Variants in SYT1 observed in about 807,000 individuals in gnomAD.
SYT1 encodes synaptotagmin-1.
In SYT1, 8 loss-of-function variants were observed where a neutral mutation model predicts 44.8. The ratio of observed to expected loss-of-function variants is 0.18; its 90% confidence interval spans 0.10 to 0.32. The LOEUF (loss-of-function observed/expected upper bound fraction) is 0.32, where lower values mean the gene tolerates loss of function less well. Ranked by LOEUF, SYT1 falls within the 10% of genes least tolerant of loss-of-function variation. The probability of loss-of-function intolerance (pLI) is 1.00; values close to 1 mark genes in which losing one functional copy is unlikely to be tolerated. For missense variants in SYT1, 286 were observed against 509.3 expected (o/e 0.56, Z 4.22); for synonymous variants, 154 against 188.8 (o/e 0.82, Z 1.51).
chr12:78,934,803 G>GTCTT (rs534968851), intron 1 of SYT1, among the ~76,000 whole-genome samples: 2 of 152,138 alleles, frequency 1.3e-5, no homozygotes, highest in Non-Finnish European at 2.9e-5. Flanking sequence ...TATAATTTTT[G>GTCTT]TCTTTAGAAA....
At chr12:78,943,231 T>C (rs1270214425) in intron 1 of SYT1, among the ~76,000 whole-genome samples, 2 of 152,202 alleles carry the variant, frequency 1.3e-5, no homozygotes, top group African/African-American at 4.8e-5. Context: ...CTTGCATTGC[T>C]ATAAAGAAGA....
chr12:79,091,186 C>T (rs1366420358), intron 3 of SYT1, among the ~76,000 whole-genome samples: 1 of 151,902 alleles, frequency 6.6e-6, no homozygotes, highest in East Asian at 1.9e-4. Flanking sequence ...AATTTATTTT[C>T]AGAAAGTTTT....
chr12:79,072,554 C>T (rs560789329), intron 3 of SYT1, among the ~76,000 whole-genome samples: 82 of 151,990 alleles, frequency 5.4e-4, no homozygotes, highest in African/African-American at 1.1e-3. Context: ...TCTAAGAATG[C>T]GTAAATGGTA....
intron 2 of SYT1, among the ~76,000 whole-genome samples, chr12:79,022,470 G>A (rs997560506): frequency 1.3e-5 from 2 of 151,692 alleles, no homozygotes. Flanking sequence ...ATTGTACACT[G>A]GAGTTTTCTA....
chr12:78,992,828 A>G (rs1452521927), intron 2 of SYT1, among the ~76,000 whole-genome samples: 1 of 152,166 alleles, frequency 6.6e-6, no homozygotes, highest in Admixed American at 6.6e-5. Flanking sequence ...TGTGGGTGTA[A>G]TAAGTAAAAA....
At chr12:79,188,029 A>T (rs967624017) in intron 3 of SYT1, among the ~76,000 whole-genome samples, 2 of 152,140 alleles carry the variant, frequency 1.3e-5, no homozygotes, top group African/African-American at 2.4e-5. Context: ...AAACACACAC[A>T]TGTACAGCAC....
chr12:79,071,453 A>G (rs1425302191), intron 3 of SYT1, among the ~76,000 whole-genome samples: 1 of 152,198 alleles, frequency 6.6e-6, no homozygotes, highest in African/African-American at 2.4e-5. Context: ...TTCTGTGGAC[A>G]ATAAACACTA....
At chr12:78,995,272 A>G (rs147850290) in intron 2 of SYT1, among the ~76,000 whole-genome samples, 225 of 152,338 alleles carry the variant, frequency 1.5e-3, no homozygotes, top group African/African-American at 4.3e-3. Context: ...GGAATAGGCT[A>G]AAAGCAAGTG....
chr12:78,987,673 A>C (rs1032720257), intron 2 of SYT1, among the ~76,000 whole-genome samples: 8 of 151,992 alleles, frequency 5.3e-5, no homozygotes, highest in Non-Finnish European at 7.4e-5. Context: ...TTTACTTTAC[A>C]TTAGGGATAT....
intron 4 of SYT1, among the ~76,000 whole-genome samples, chr12:79,285,252 A>G (rs554964345): frequency 6.6e-6 from 1 of 152,372 alleles, no homozygotes; most frequent in African/African-American, 2.4e-5. Context: ...ACATAAGAAT[A>G]CAACACCTAG....
At chr12:79,166,116 T>C (rs1395877772) in intron 3 of SYT1, among the ~76,000 whole-genome samples, 2 of 152,008 alleles carry the variant, frequency 1.3e-5, no homozygotes, top group African/African-American at 4.8e-5. Flanking sequence ...ACAGTACCTA[T>C]AAAATTTGTT....
intron 1 of SYT1, among the ~76,000 whole-genome samples, chr12:78,936,348 A>C (rs954232204): frequency 5.9e-5 from 9 of 152,264 alleles, no homozygotes; most frequent in African/African-American, 2.2e-4. Context: ...TTAAACCCTA[A>C]GGAATTAGAA....
At chr12:79,349,015 G>GAAAGAAAT (rs1882745561) in intron 8 of SYT1, among the ~76,000 whole-genome samples, 1 of 113,994 alleles carries the variant, frequency 8.8e-6, no homozygotes. Flanking sequence ...AAGAAAGAAA[G>GAAAGAAAT]AAAGAAAGAA....
chr12:79,355,635 C>A (rs1883083282), intron 9 of SYT1, among the ~76,000 whole-genome samples: 1 of 152,128 alleles, frequency 6.6e-6, no homozygotes, highest in Admixed American at 6.5e-5. Context: ...ATCTCATTTT[C>A]ACCAAATTGA....
At chr12:78,878,325 A>G (rs150651066) in intron 1 of SYT1, among the ~76,000 whole-genome samples, 1 of 151,964 alleles carries the variant, frequency 6.6e-6, no homozygotes, top group Non-Finnish European at 1.5e-5. Flanking sequence ...AACAAATAAC[A>G]TAAAATCTGT....
At chr12:78,967,628 T>G (rs752823345) in intron 1 of SYT1, among the ~76,000 whole-genome samples, 1 of 152,166 alleles carries the variant, frequency 6.6e-6, no homozygotes, top group African/African-American at 2.4e-5. Flanking sequence ...GACATTTCAT[T>G]TGAGGTTTGT....
At chr12:79,316,635 C>T (rs763804860) in intron 8 of SYT1, among the ~76,000 whole-genome samples, 7 of 152,160 alleles carry the variant, frequency 4.6e-5, no homozygotes, top group Non-Finnish European at 1.0e-4. Flanking sequence ...CTAGCCTCCA[C>T]GATGATGCTC....
intron 9 of SYT1, among the ~76,000 whole-genome samples, chr12:79,384,035 A>C (rs1253229156): frequency 1.1e-4 from 16 of 152,148 alleles, no homozygotes; most frequent in Non-Finnish European, 7.4e-5. Flanking sequence ...TAGGAAACTT[A>C]ATATTGAGAG....
chr12:79,183,463 T>C (rs1417256318), intron 3 of SYT1, among the ~76,000 whole-genome samples: 1 of 151,996 alleles, frequency 6.6e-6, no homozygotes, highest in Admixed American at 6.6e-5. Context: ...TACTGGCATT[T>C]AGTAATGCTG....
Sources: gnomAD v4.1 joint callset for allele counts (sites outside exome capture counted in the v4.1 genomes callset) on GRCh38, gnomAD v4.1.1 for gene constraint, MANE v1.5 for transcripts, NCBI Gene and HGNC (gene_info 2026-07-23, HGNC 2026-07-21) for gene names.